The following PIEZO1 variants were observed in gnomAD, a reference collection of about 807,000 sequenced individuals.
PIEZO1 encodes piezo-type mechanosensitive ion channel component 1.
A neutral mutation model predicts 297.2 loss-of-function variants in PIEZO1; 296 were observed. The ratio of observed to expected loss-of-function variants is 1.00; its 90% CI spans 0.91 to 1.10. PIEZO1 has a LOEUF of 1.10. Among genes scored for constraint, PIEZO1 ranks in the 50% least tolerant of loss-of-function variants. The pLI is 0.00. For missense variants in PIEZO1, 5,018 were observed against 3,455.5 expected, an observed-to-expected ratio of 1.45 and a Z score of -11.34; for synonymous variants, 2,427 against 1,507.5, an observed-to-expected ratio of 1.61 and a Z score of -14.13.
At chr16:88,768,066 C>G (rs1365096805) in intron 1 of PIEZO1, among the ~76,000 whole-genome samples, 1 of 152,240 alleles carries the variant, frequency 6.6e-6, no homozygotes, top group Non-Finnish European at 1.5e-5. Flanking sequence ...AAAGTGGGAC[C>G]CACGAGCCCC....
At position 88,749,394 on chromosome 16, in the gene PIEZO1, G is replaced by C; in HGVS notation, c.150C>G (p.Cys50Trp). ...LLPWFPGPTR[C>W]GLQGHTGRLL... ...GTCCCCTGGCCTTACCTTGGAGGCC[G>C]CATCGGGTGGGGCCGGGGAACCAGG... Residue 50 changes from cysteine (C) to tryptophan (W), a missense_variant, in exon 2 of 51, where the codon TGC (cysteine) becomes TGG (tryptophan). Coordinates refer to ENST00000301015, the MANE Select transcript of PIEZO1 (RefSeq NM_001142864.4). 1.3e-6 allele frequency: 2 copies of C among 1,506,018 alleles called. No homozygotes were observed. The highest frequency in any genetic ancestry group is 1.3e-5 in the South Asian group (1 of 78,724). The allele number at this position is 1,506,018 out of a possible 1,614,324, so 93.3% of individuals were successfully genotyped here.
chr16:88,759,027 C>A (rs1029661657), intron 1 of PIEZO1, among the ~76,000 whole-genome samples: 6 of 152,212 alleles, frequency 3.9e-5, no homozygotes, highest in African/African-American at 1.2e-4. Flanking sequence ...CCTTGGTCCC[C>A]CCTACCCACG....
chr16:88,737,875 C>T, intron 8 of PIEZO1, 59 bp downstream of exon 8: 1 of 1,532,880 alleles, frequency 6.5e-7, no homozygotes, highest in Admixed American at 2.0e-5. Context: ...GGCAGGAGGT[C>T]CTGAGACCAG....
chr16:88,726,521 C>T (rs769556146), intron 26 of PIEZO1, 26 bp downstream of exon 26: 6 of 1,546,896 alleles, frequency 3.9e-6, no homozygotes, highest in Admixed American at 2.0e-5. Context: ...CCCACGCCCT[C>T]CCCCGCCACC....
At chr16:88,745,924 G>C (rs1204277556) in intron 2 of PIEZO1, among the ~76,000 whole-genome samples, 1 of 152,148 alleles carries the variant, frequency 6.6e-6, no homozygotes, top group Non-Finnish European at 1.5e-5. Context: ...AAGGCTGAGG[G>C]GCCCCACCAC....
chr16:88,759,876 G>A (rs1428982491), intron 1 of PIEZO1, among the ~76,000 whole-genome samples: 1 of 152,202 alleles, frequency 6.6e-6, no homozygotes, highest in Non-Finnish European at 1.5e-5. Flanking sequence ...ACAGCAGACA[G>A]AGGGGGAAGC....
intron 1 of PIEZO1, among the ~76,000 whole-genome samples, chr16:88,759,021 G>A (rs1363200838): frequency 6.6e-6 from 1 of 152,192 alleles, no homozygotes; most frequent in Non-Finnish European, 1.5e-5. Context: ...AGAGGTCCTT[G>A]GTCCCCCCTA....
chr16:88,734,027 C>T lies in PIEZO1; in HGVS notation c.2208G>A (p.Leu736=), dbSNP rs1379352570. ...HRQDAVSGTP[L]LREEQQEHQQ... is the part of the protein sequence containing the mutation. ...GATGCTCCTGCTGCTCCTCCCGCAG[C>T]AGTGGGGTCCCACTCACTGCATCCT... The change falls in exon 17 of 51, where the codon CTG becomes CTA. Residue 736 remains leucine, a synonymous_variant. Coordinates refer to ENST00000301015, the MANE Select transcript of PIEZO1 (RefSeq NM_001142864.4). The T allele has an allele frequency of 3.2e-6, 5 of 1,542,412 alleles. No individual in the cohort carries two copies. The highest frequency in any genetic ancestry group is 1.4e-5 in the African/African-American group (1 of 72,846).
chr16:88,750,741 G>C (rs921022196), intron 1 of PIEZO1, among the ~76,000 whole-genome samples: 1 of 152,236 alleles, frequency 6.6e-6, no homozygotes, highest in Non-Finnish European at 1.5e-5. Context: ...TCCTCGCAGG[G>C]GACCTGAGGG....
At chr16:88,716,757 A>T (rs914027349) in intron 46 of PIEZO1, 26 bp from the exon 47 acceptor site, 2 of 1,548,692 alleles carry the variant, frequency 1.3e-6, no homozygotes, top group Middle Eastern at 3.3e-4. Context: ...ACCCTCAGTG[A>T]CTGCAGCCGC....
At position 88,749,102 on chromosome 16, in the gene PIEZO1, T is replaced by C. The variant is rs555520028; in HGVS notation, c.160+282A>G. ...AATACAAAAAAAAATAAGCCAGGCGTGGTGGCGGGCGCCTGTAGTCCCAGC... is the reference window on the plus strand; with the variant it reads ...AATACAAAAAAAAATAAGCCAGGCGCGGTGGCGGGCGCCTGTAGTCCCAGC... On this transcript the variant is annotated intron_variant, in intron 2 of 50. Coordinates refer to ENST00000301015, the MANE Select transcript of PIEZO1 (RefSeq NM_001142864.4). 8.3e-4 allele frequency among the ~76,000 whole-genome samples: 125 copies of C among 151,104 alleles called. 1 individual carries two copies. The East Asian group carries it at 0.017, about 20-fold the overall frequency.
In PIEZO1 at chr16:88,715,923, A is replaced by G. The variant is rs1048043272; in HGVS notation, c.7316+10T>C. ...CGAGCTGCGGGGTGCCCCCCCAGCCACTCACTCACCCGTAGCCAGCCAGGA... is the reference window on the plus strand; with the variant it reads ...CGAGCTGCGGGGTGCCCCCCCAGCCGCTCACTCACCCGTAGCCAGCCAGGA... On this transcript the variant is annotated intron_variant, in intron 50 of 50. Coordinates refer to ENST00000301015, the MANE Select transcript of PIEZO1 (RefSeq NM_001142864.4). 1.0e-5 allele frequency: 16 copies of G among 1,546,174 alleles called. No individual in the cohort carries two copies. In the Admixed American group the frequency reaches 3.1e-4, roughly 30 times the overall value.
rs1597455140 is a variant in PIEZO1, at chr16:88,732,195, T to A, written c.2991+140A>T. 8 of 692,440 alleles carry A rather than the reference T, an allele frequency of 1.2e-5. No individual in the cohort carries two copies. In the East Asian group the frequency reaches 2.2e-4, roughly 19 times the overall value. 42.9% of individuals were successfully genotyped at this position (692,440 alleles called of 1,614,324 possible). On this transcript the variant is annotated intron_variant, in intron 21 of 50. Transcript: ENST00000301015. ...ACACCACAGGAGTCCAGGGAAGCCGTGCCTGGCCCTGAGTCCCCCACCCTC... is the reference window on the plus strand; with the variant it reads ...ACACCACAGGAGTCCAGGGAAGCCGAGCCTGGCCCTGAGTCCCCCACCCTC...
intron 1 of PIEZO1, among the ~76,000 whole-genome samples, chr16:88,760,602 C>T (rs1906885499): frequency 1.3e-5 from 2 of 152,046 alleles, no homozygotes; most frequent in African/African-American, 4.8e-5. Flanking sequence ...CAGCAGGACC[C>T]AGGGAGCCCA....
At chr16:88,730,341 CAGG>C (rs1478020133) in intron 22 of PIEZO1, among the ~76,000 whole-genome samples, 2 of 132,902 alleles carry the variant, frequency 1.5e-5, no homozygotes, top group East Asian at 4.6e-4. Flanking sequence ...CCTGTAATCC[CAGG>C]AGGGAGGCCT....
At chr16:88,742,220 C>A (rs1905726310) in intron 3 of PIEZO1, 80 bp downstream of exon 3, 3 of 1,497,084 alleles carry the variant, frequency 2.0e-6, no homozygotes, top group Admixed American at 4.1e-5. Context: ...TCAACCCCCC[C>A]AGGAGACTCG....
Position 88,736,751 on chromosome 16 carries a change from G to A in PIEZO1, c.1196-12C>T, listed in dbSNP as rs1406574075. ...CCGCTTGGGCCGCACTGCAGGTGGG[G>A]ACAGCGGTCAGCTTCGGCAGGTTGA... On this transcript the variant is annotated splice_polypyrimidine_tract_variant and intron_variant, in intron 10 of 50. Coordinates refer to ENST00000301015, the MANE Select transcript of PIEZO1 (RefSeq NM_001142864.4). 1 of 1,498,398 alleles carries A rather than the reference G, an allele frequency of 6.7e-7. No homozygotes were observed. Among genetic ancestry groups the A allele is most frequent in the African/African-American group, 1.4e-5 (1 of 71,976 alleles). 92.8% of individuals were successfully genotyped at this position (1,498,398 alleles called of 1,614,324 possible).
Position 88,784,946 on chromosome 16 carries a change from C to G in PIEZO1, c.19G>C (p.Gly7Arg), listed in dbSNP as rs1226315961. Reference protein sequence around the residue: MEPHVLGAVLYWLLLPC... With the variant: MEPHVLRAVLYWLLLPC... ...AGCAGCAGCCAGTACAGGACCGCGC[C>G]GAGCACGTGCGGCTCCATGGCTGGA... The change falls in exon 1 of 51, where the codon GGC (glycine) becomes CGC (arginine). Residue 7 changes from glycine to arginine, a missense_variant. Coordinates refer to ENST00000301015, the MANE Select transcript of PIEZO1 (RefSeq NM_001142864.4). 2.9e-6 allele frequency: 4 copies of G among 1,386,610 alleles called. No individual in the cohort carries two copies. The highest frequency in any genetic ancestry group is 1.4e-5 in the South Asian group (1 of 69,048). The allele number at this position is 1,386,610 out of a possible 1,614,324, so 85.9% of individuals were successfully genotyped here.
At position 88,723,089 on chromosome 16, in the gene PIEZO1, A is replaced by G; in HGVS notation, c.4495+6T>C. 2 of 1,547,232 alleles carry G rather than the reference A, an allele frequency of 1.3e-6. No homozygotes were observed. Among genetic ancestry groups the G allele is most frequent in the Non-Finnish European group, 1.7e-6 (2 of 1,146,550 alleles). ...CCTCCCACTCCCCAGCCCCGGGCCC[A>G]CGTACCTGCCGCTGCCTCCTCGGGG... On this transcript the variant is annotated splice_donor_region_variant and intron_variant, in intron 33 of 50. Transcript: ENST00000301015.
Sources: gnomAD v4.1 joint callset for allele counts (sites outside exome capture counted in the v4.1 genomes callset) on GRCh38, gnomAD v4.1.1 for gene constraint, MANE v1.5 for transcripts, NCBI Gene and HGNC (gene_info 2026-07-23, HGNC 2026-07-21) for gene names.